SHFL: variants seen among roughly 807,000 people sequenced by gnomAD.
SHFL encodes shiftless antiviral inhibitor of ribosomal frameshifting protein.
Under a neutral mutation model 34.7 loss-of-function variants are expected in SHFL, and 12 were observed. The ratio of observed to expected loss-of-function variants is 0.35; its 90% CI spans 0.22 to 0.56. SHFL has a LOEUF of 0.56. Ranked by LOEUF, SHFL falls within the 20% of genes least tolerant of loss-of-function variation. The pLI, the probability that SHFL is intolerant of heterozygous loss-of-function variation, is 0.88. For synonymous variants in SHFL, 148 were observed against 156.0 expected (o/e 0.95, Z 0.38); for missense variants, 278 against 411.1 (o/e 0.68, Z 2.80).
Position 10,091,705 on chromosome 19 carries a change from C to T in SHFL, c.643+75C>T. On this transcript the variant is annotated intron_variant, in intron 7 of 7. Coordinates refer to ENST00000253110, the MANE Select transcript of SHFL (RefSeq NM_018381.4). The surrounding 1 kb of genome is among the most constrained non-coding windows in gnomAD (Gnocchi z 8.2). ...GCCTTTAAGTCCCCAAATCTCCACT[C>T]AGTCCACTTTGTCTCCCACAGCAGC... 1 of 1,467,074 alleles carries T rather than the reference C, an allele frequency of 6.8e-7. No homozygotes were observed. The allele number at this position is 1,467,074 out of a possible 1,614,324, so 90.9% of individuals were successfully genotyped here.
rs1180713256 is a variant in SHFL at position 10,089,905 on chromosome 19, C to T, written c.242C>T (p.Ala81Val). Reference protein sequence around the residue: ...MKQDRDIQAVATSLLPLTEAN... With the variant: ...MKQDRDIQAVVTSLLPLTEAN... ...ACCTGCCCCATTCCACAGGCAGTGGCGACCTCCCTCCTGCCACTGACAGAA... is the reference window on the plus strand; with the variant it reads ...ACCTGCCCCATTCCACAGGCAGTGGTGACCTCCCTCCTGCCACTGACAGAA... Residue 81 changes from alanine to valine, a missense_variant, in exon 5 of 8, where the codon GCG becomes GTG. Around this residue, in one of 2 missense-constraint regions of SHFL, gnomAD observed 243 missense variants for 386.2 expected, o/e 0.63. Transcript: ENST00000253110. The T allele has an allele frequency of 3.1e-6, 5 of 1,610,920 alleles. No homozygotes were observed. The highest frequency in any genetic ancestry group is 1.1e-5 in the South Asian group (1 of 90,268).
rs1020915950 is a variant in SHFL at position 10,091,992 on chromosome 19, C to T, written c.644-78C>T. The T allele has an allele frequency of 2.0e-5, 32 of 1,578,976 alleles. No homozygotes were observed. Among genetic ancestry groups the T allele is most frequent in the Admixed American group, 1.5e-4 (8 of 54,840 alleles). On this transcript the variant is annotated intron_variant, in intron 7 of 7. Transcript: ENST00000253110. The surrounding 1 kb of genome is among the most constrained non-coding windows in gnomAD (Gnocchi z 8.2). Reference sequence around the variant, plus strand: ...TGGTCTCAGCTCCTCCCTAGAGCCCCGCGTGGCCTAAGTCCCCTCCTCCCC... The same window carrying T: ...TGGTCTCAGCTCCTCCCTAGAGCCCTGCGTGGCCTAAGTCCCCTCCTCCCC...
In SHFL at chr19:10,092,681, G is replaced by C. The variant is rs754045862; in HGVS notation, c.*379G>C. ...GCCCAGTAGACACCATCCTGGTAGCGGCTTCGGTAGTGGCCGCCGTGGTGC... is the reference window on the plus strand; with the variant it reads ...GCCCAGTAGACACCATCCTGGTAGCCGCTTCGGTAGTGGCCGCCGTGGTGC... On this transcript the variant is annotated 3_prime_UTR_variant, in exon 8 of 8. Transcript: ENST00000253110. 1.2e-6 allele frequency: 2 copies of C among 1,614,024 alleles called. No individual in the cohort carries two copies. The highest frequency in any genetic ancestry group is 2.7e-5 in the African/African-American group (2 of 75,026).
At chr19:10,089,516 C>G (rs528623578) in intron 3 of SHFL, 141 bp from the exon 4 acceptor site, 145 of 1,364,418 alleles carry the variant, frequency 1.1e-4, no homozygotes, top group Admixed American at 2.0e-4. Context: ...ACACCTGGCT[C>G]TCAATAAGTG....
At position 10,092,564 on chromosome 19, in the gene SHFL, G is replaced by A. The variant is rs1386100935; in HGVS notation, c.*262G>A. On this transcript the variant is annotated 3_prime_UTR_variant, in exon 8 of 8. Transcript: ENST00000253110. Reference sequence around the variant, plus strand: ...CTCCTGCTGACCAATGTCCTCTAGGGCCTAGGGGACAGAGGAACACAGAGT... The same window carrying A: ...CTCCTGCTGACCAATGTCCTCTAGGACCTAGGGGACAGAGGAACACAGAGT... The A allele has an allele frequency of 6.3e-7, 1 of 1,583,962 alleles. No individual in the cohort carries two copies. Among genetic ancestry groups the A allele is most frequent in the African/African-American group, 1.3e-5 (1 of 74,452 alleles).
At chr19:10,090,837 G>A (rs1344681804) in intron 5 of SHFL, among the ~76,000 whole-genome samples, 3 of 151,792 alleles carry the variant, frequency 2.0e-5, no homozygotes, top group African/African-American at 7.3e-5. Context: ...GAGCCTGGGA[G>A]GTCGAGGCTG....
intron 3 of SHFL, chr19:10,087,719 G>A (rs745867849): frequency 5.7e-5 from 12 of 210,708 alleles, no homozygotes; most frequent in Admixed American, 1.1e-4. Flanking sequence ...ATAAGCAAAG[G>A]CTGGGAGGTG....
chr19:10,089,518 C>T, intron 3 of SHFL, 139 bp from the exon 4 acceptor site: 1 of 1,368,352 alleles, frequency 7.3e-7, no homozygotes, highest in Non-Finnish European at 1.0e-6. Flanking sequence ...ACCTGGCTCT[C>T]AATAAGTGAG....
intron 3 of SHFL, 38 bp downstream of exon 3, chr19:10,087,338 G>A (rs1301577393): frequency 3.1e-6 from 5 of 1,613,014 alleles, no homozygotes; most frequent in Admixed American, 1.7e-5. Flanking sequence ...ACCGGGTCAC[G>A]GGAGGGAGAG....
chr19:10,086,772 T>C lies in SHFL; in HGVS notation c.22-157T>C, dbSNP rs2088291955. 8 of 1,008,124 alleles carry C rather than the reference T, an allele frequency of 7.9e-6. No individual in the cohort carries two copies. The highest frequency in any genetic ancestry group is 1.1e-5 in the Non-Finnish European group (8 of 697,156). The allele number at this position is 1,008,124 out of a possible 1,614,324, so 62.4% of individuals were successfully genotyped here. On this transcript the variant is annotated intron_variant, in intron 1 of 7. Coordinates refer to ENST00000253110, the MANE Select transcript of SHFL (RefSeq NM_018381.4). This position sits in a 1 kb window ranked among gnomAD's most constrained non-coding sequence, Gnocchi z 5.2. ...CAACGCCCTGTGGGGACTTTGGCTTTTTCCAGGAAATGCCGTAAAGGGATG... is the reference window on the plus strand; with the variant it reads ...CAACGCCCTGTGGGGACTTTGGCTTCTTCCAGGAAATGCCGTAAAGGGATG...
At position 10,092,685 on chromosome 19, in the gene SHFL, T is replaced by C. The variant is rs1490625582; in HGVS notation, c.*383T>C. On this transcript the variant is annotated 3_prime_UTR_variant, in exon 8 of 8. Transcript: ENST00000253110. ...AGTAGACACCATCCTGGTAGCGGCT[T>C]CGGTAGTGGCCGCCGTGGTGCCACA... is the stretch of plus-strand genomic sequence containing the variant. 2 of 1,613,888 alleles carry C rather than the reference T, an allele frequency of 1.2e-6. No homozygotes were observed. Among genetic ancestry groups the C allele is most frequent in the African/African-American group, 2.7e-5 (2 of 74,902 alleles).
At chr19:10,088,572 C>T (rs1296835609) in intron 3 of SHFL, among the ~76,000 whole-genome samples, 1 of 151,584 alleles carries the variant, frequency 6.6e-6, no homozygotes, top group Admixed American at 6.6e-5. Flanking sequence ...CCGTCTCAAA[C>T]AAACAAAAAC....
At chr19:10,088,683 C>T (rs974537205) in intron 3 of SHFL, among the ~76,000 whole-genome samples, 27 of 152,124 alleles carry the variant, frequency 1.8e-4, no homozygotes, top group African/African-American at 6.0e-4. Context: ...TGGTGGCTCA[C>T]GCCTGTAATT....
chr19:10,088,091 C>T (rs1461087698), intron 3 of SHFL: 9 of 146,194 alleles, frequency 6.2e-5, no homozygotes, highest in Non-Finnish European at 1.3e-4. Context: ...AGAAACCCGT[C>T]TCTACTAAAA....
chr19:10,092,136 T>G lies in SHFL; in HGVS notation c.710T>G (p.Val237Gly). 6.2e-7 allele frequency: 1 copy of G among 1,613,760 alleles called. No homozygotes were observed. Among genetic ancestry groups the G allele is most frequent in the Non-Finnish European group, 8.5e-7 (1 of 1,179,784 alleles). Reference protein sequence around the residue: ...KSRKQNHLPKVLHPSNPHISS... With the variant: ...KSRKQNHLPKGLHPSNPHISS... The stretch of plus-strand genomic sequence containing the variant: ...CGGAAGCAGAACCACCTGCCCAAAG[T>G]GCTCCACCCCAGCAACCCTCACATT... The change falls in exon 8 of 8, where the codon GTG becomes GGG. Residue 237 changes from valine (V) to glycine (G), a missense_variant. Transcript: ENST00000253110.
chr19:10,093,183 C>T lies in SHFL; in HGVS notation c.*881C>T. 1 of 935,066 alleles carries T rather than the reference C, an allele frequency of 1.1e-6. No homozygotes were observed. 57.9% of individuals were successfully genotyped at this position (935,066 alleles called of 1,614,324 possible). A position where few individuals can be genotyped will look rare whatever the true frequency, so the allele number is the denominator to read the frequency against. ...GAAGGAATCTGGACTCCCCATCCCC[C>T]CACCAGGATAAAAGTCCTGACCTTT... is the stretch of plus-strand genomic sequence containing the variant. On this transcript the variant is annotated 3_prime_UTR_variant, in exon 8 of 8. Transcript: ENST00000253110.
At chr19:10,087,867 G>A (rs1047582373) in intron 3 of SHFL, 2 of 162,578 alleles carry the variant, frequency 1.2e-5, no homozygotes, top group Admixed American at 1.2e-4. Context: ...GAATGGCTTT[G>A]AAGCACAGGT....
intron 3 of SHFL, chr19:10,089,248 G>C (rs1380379004): frequency 6.5e-7 from 1 of 1,538,224 alleles, no homozygotes; most frequent in East Asian, 2.3e-5. Context: ...GCTTGCCCAA[G>C]TCCCCACAGC....
chr19:10,088,522 T>C (rs746284925), intron 3 of SHFL, among the ~76,000 whole-genome samples: 6 of 152,102 alleles, frequency 3.9e-5, no homozygotes, highest in Admixed American at 2.0e-4. Flanking sequence ...TGAGCCGAGA[T>C]CGCACCACTG....
Sources: gnomAD v4.1 joint callset for allele counts (sites outside exome capture counted in the v4.1 genomes callset) on GRCh38, gnomAD v4.1.1 for gene constraint, gnomAD v4.1.1 regional missense constraint, Gnocchi (gnomAD v3.1) non-coding constraint, MANE v1.5 for transcripts, NCBI Gene and HGNC (gene_info 2026-07-23, HGNC 2026-07-21) for gene names.